The following CLTB variants were observed in gnomAD, a reference collection of about 807,000 sequenced individuals.
CLTB encodes clathrin, light chain (Lcb).
A neutral mutation model predicts 30.5 loss-of-function variants in CLTB; 10 were observed. The observed-to-expected ratio is 0.33, with a 90% confidence interval of 0.20 to 0.56. The LOEUF (loss-of-function observed/expected upper bound fraction) is 0.56. Ranked by LOEUF, CLTB falls within the 20% of genes least tolerant of loss-of-function variation. The pLI is 0.91. For synonymous variants in CLTB, 102 were observed against 120.3 expected, an observed-to-expected ratio of 0.85 and a Z score of 1.00; for missense variants, 261 against 308.3, an observed-to-expected ratio of 0.85 and a Z score of 1.15.
In CLTB at chr5:176,416,513, C is replaced by T. The variant is rs186145154; in HGVS notation, c.-150G>A. 5.7e-5 allele frequency: 30 copies of T among 521,802 alleles called. 1 individual carries two copies. The highest frequency in any genetic ancestry group is 4.9e-4 in the African/African-American group (24 of 49,056). The allele number at this position is 521,802 out of a possible 1,614,324, so 32.3% of individuals were successfully genotyped here. ...CTTGGCGCGGACCGCACTTCCTCTC[C>T]GCCACCGGGCCCGGCTGGCTGTCAC... On this transcript the variant is annotated 5_prime_UTR_variant, in exon 1 of 6. Transcript: ENST00000310418.
chr5:176,416,124 G>T, intron 1 of CLTB, 53 bp downstream of exon 1: 1 of 1,437,776 alleles, frequency 7.0e-7, no homozygotes, highest in South Asian at 1.4e-5. Flanking sequence ...GCCCCGGCCG[G>T]GGTCCCCCGG....
chr5:176,398,182 C>T lies in CLTB; in HGVS notation c.235-135G>A, dbSNP rs188434365. 2.3e-5 allele frequency: 17 copies of T among 732,436 alleles called. No homozygotes were observed. The Admixed American group carries it at 3.5e-4, about 15-fold the overall frequency. 45.4% of individuals were successfully genotyped at this position (732,436 alleles called of 1,614,324 possible). On this transcript the variant is annotated intron_variant, in intron 2 of 5. Coordinates refer to ENST00000310418, the MANE Select transcript of CLTB (RefSeq NM_007097.5). ...TCATACCCACTGTCTCTGGTGACTACACCTATCTTTGCACTTGCTGTTCCC... is the reference window on the plus strand; with the variant it reads ...TCATACCCACTGTCTCTGGTGACTATACCTATCTTTGCACTTGCTGTTCCC...
Position 176,392,501 on chromosome 5 carries a change from T to A in CLTB, c.*273A>T. On this transcript the variant is annotated 3_prime_UTR_variant, in exon 6 of 6. Coordinates refer to ENST00000310418, the MANE Select transcript of CLTB (RefSeq NM_007097.5). This position sits in a 1 kb window ranked among gnomAD's most constrained non-coding sequence, Gnocchi z 5.2. ...TGATAATAAATAAGTGTAAAAAGAG[T>A]CAACAACACACCCTTTAAGCCAAGA... 1 of 426,632 alleles carries A rather than the reference T, an allele frequency of 2.3e-6. No individual in the cohort carries two copies. The highest frequency in any genetic ancestry group is 4.2e-6 in the Non-Finnish European group (1 of 237,660). The allele number at this position is 426,632 out of a possible 1,614,324, so 26.4% of individuals were successfully genotyped here. A position where few individuals can be genotyped will look rare whatever the true frequency, so the allele number is the denominator to read the frequency against.
At chr5:176,413,997 C>T (rs958371314) in intron 1 of CLTB, among the ~76,000 whole-genome samples, 1 of 152,218 alleles carries the variant, frequency 6.6e-6, no homozygotes, top group East Asian at 1.9e-4. Flanking sequence ...AAGGACAGAA[C>T]TTGCCATCCA....
chr5:176,395,092 CA>C (rs1190358410), intron 5 of CLTB, among the ~76,000 whole-genome samples: 2 of 149,652 alleles, frequency 1.3e-5, no homozygotes, highest in African/African-American at 5.0e-5. Flanking sequence ...CACCCATCCC[CA>C]CCATCCCCAC....
intron 2 of CLTB, among the ~76,000 whole-genome samples, chr5:176,403,757 TTGTG>T (rs1202870072): frequency 1.3e-5 from 2 of 150,494 alleles, no homozygotes; most frequent in East Asian, 3.9e-4. Context: ...CGGCCTGTTT[TTGTG>T]TGTGTGTGTT....
intron 1 of CLTB, among the ~76,000 whole-genome samples, chr5:176,412,981 C>T (rs1350387910): frequency 6.6e-6 from 1 of 151,398 alleles, no homozygotes; most frequent in African/African-American, 2.4e-5. Context: ...CAACCCCAGT[C>T]TCAGACCCCA....
At chr5:176,401,386 A>C (rs1047761896) in intron 2 of CLTB, among the ~76,000 whole-genome samples, 3 of 152,158 alleles carry the variant, frequency 2.0e-5, no homozygotes, top group Non-Finnish European at 2.9e-5. Context: ...TCTGACCACC[A>C]CCCAATCCCC....
intron 5 of CLTB, among the ~76,000 whole-genome samples, chr5:176,394,814 TA>T (rs78767071): frequency 0.13 from 18,336 of 143,164 alleles, 1,325 homozygotes; most frequent in Middle Eastern, 0.18. Context: ...GACTCCGTCT[TA>T]AAAAAAAAAA....
Position 176,393,629 on chromosome 5 carries a change from A to C in CLTB, c.519-684T>G, listed in dbSNP as rs1415773085. 6.6e-6 allele frequency among the ~76,000 whole-genome samples: 1 copy of C among 152,098 alleles called. No homozygotes were observed. The highest frequency in any genetic ancestry group is 2.4e-5 in the African/African-American group (1 of 41,402). Reference sequence around the variant, plus strand: ...ACCACAGAGCCCTTTGTAGCCCAGAACCACCACTGTCTCTGAGGAGCCACA... The same window carrying C: ...ACCACAGAGCCCTTTGTAGCCCAGACCCACCACTGTCTCTGAGGAGCCACA... On this transcript the variant is annotated intron_variant, in intron 5 of 5. Coordinates refer to ENST00000310418, the MANE Select transcript of CLTB (RefSeq NM_007097.5). The surrounding 1 kb of genome is among the most constrained non-coding windows in gnomAD (Gnocchi z 4.4).
At chr5:176,401,856 G>A in intron 2 of CLTB, 1 of 443,588 alleles carries the variant, frequency 2.3e-6, no homozygotes, top group Non-Finnish European at 4.6e-6. Flanking sequence ...CATCAGCAGG[G>A]CCTGTCATCA....
At chr5:176,409,406 C>CTTTTTTTTTTTT (rs34831947) in intron 2 of CLTB, among the ~76,000 whole-genome samples, 2 of 79,656 alleles carry the variant, frequency 2.5e-5, no homozygotes, top group Non-Finnish European at 2.2e-5. Flanking sequence ...TCTGATTGCC[C>CTTTTTTTTTTTT]TTTTTTTTTT....
intron 4 of CLTB, 23 bp downstream of exon 4, chr5:176,397,584 T>G: frequency 1.3e-6 from 1 of 792,446 alleles, no homozygotes; most frequent in Non-Finnish European, 1.8e-6. Flanking sequence ...CATGGCCCCC[T>G]CATGTCCCTA....
At chr5:176,404,597 C>A (rs1410908337) in intron 2 of CLTB, among the ~76,000 whole-genome samples, 1 of 152,214 alleles carries the variant, frequency 6.6e-6, no homozygotes, top group African/African-American at 2.4e-5. Flanking sequence ...GAAACTCAGC[C>A]CCCACGGTGT....
Position 176,392,584 on chromosome 5 carries a change from G to T in CLTB, c.*190C>A. The T allele has an allele frequency of 1.6e-6, 1 of 606,538 alleles. No homozygotes were observed. The highest frequency in any genetic ancestry group is 2.9e-6 in the Non-Finnish European group (1 of 343,928). 37.6% of individuals were successfully genotyped at this position (606,538 alleles called of 1,614,324 possible). A position where few individuals can be genotyped will look rare whatever the true frequency, so the allele number is the denominator to read the frequency against. On this transcript the variant is annotated 3_prime_UTR_variant, in exon 6 of 6. Coordinates refer to ENST00000310418, the MANE Select transcript of CLTB (RefSeq NM_007097.5). The surrounding 1 kb of genome is among the most constrained non-coding windows in gnomAD (Gnocchi z 5.2). ...GAGTAGACTGAGAGGAGGCGTGAGG[G>T]GCTGGACCAGAGGGCCAGGAGGGAG...
rs2113694671 is a variant in CLTB, at chr5:176,416,395, C to T, written c.-32G>A. ...CGCGCCTCCGCCGGAGCCTCCGCTGCGCTCGGCTCTGCCCGCGCCTGCCCC... is the reference window on the plus strand; with the variant it reads ...CGCGCCTCCGCCGGAGCCTCCGCTGTGCTCGGCTCTGCCCGCGCCTGCCCC... On this transcript the variant is annotated 5_prime_UTR_variant, in exon 1 of 6. Coordinates refer to ENST00000310418, the MANE Select transcript of CLTB (RefSeq NM_007097.5). 3 of 1,567,790 alleles carry T rather than the reference C, an allele frequency of 1.9e-6. No homozygotes were observed. Among genetic ancestry groups the T allele is most frequent in the East Asian group, 5.1e-5 (2 of 39,520 alleles).
Position 176,398,024 on chromosome 5 carries a change from G to A in CLTB, c.258C>T (p.Gly86=). 6.2e-7 allele frequency: 1 copy of A among 1,613,990 alleles called. No homozygotes were observed. Among genetic ancestry groups the A allele is most frequent in the East Asian group, 2.2e-5 (1 of 44,868 alleles). ...VFQEANGPAD[G]YAAIAQADRL... is the part of the protein sequence containing the mutation. ...TGTCAGCCTGGGCAATGGCTGCGTA[G>A]CCATCAGCAGGACCGTTGGCCTCCT... The change falls in exon 3 of 6, where the codon GGC becomes GGT. Residue 86 remains glycine, a synonymous_variant. Coordinates refer to ENST00000310418, the MANE Select transcript of CLTB (RefSeq NM_007097.5).
intron 2 of CLTB, among the ~76,000 whole-genome samples, chr5:176,401,395 C>G (rs1296293318): frequency 6.6e-6 from 1 of 152,226 alleles, no homozygotes; most frequent in East Asian, 1.9e-4. Flanking sequence ...CACCCAATCC[C>G]CACTCCTTGA....
chr5:176,400,225 G>C (rs1024384177), intron 2 of CLTB, among the ~76,000 whole-genome samples: 5 of 151,182 alleles, frequency 3.3e-5, no homozygotes, highest in African/African-American at 9.7e-5. Flanking sequence ...AAGAAAGAAA[G>C]AAAAAAAGGA....
Sources: gnomAD v4.1 joint callset for allele counts (sites outside exome capture counted in the v4.1 genomes callset) on GRCh38, gnomAD v4.1.1 for gene constraint, Gnocchi (gnomAD v3.1) non-coding constraint, MANE v1.5 for transcripts, NCBI Gene and HGNC (gene_info 2026-07-23, HGNC 2026-07-21) for gene names.